Variants in NDE1 observed in about 807,000 individuals in gnomAD.
NDE1 encodes the protein nuclear distribution protein nudE homolog 1.
NDE1 carries 28 observed loss-of-function variants against 43.4 expected under a neutral mutation model. The observed-to-expected ratio is 0.65, with a 90% confidence interval of 0.48 to 0.89. The LOEUF is 0.89. NDE1 is among the 40% of genes least tolerant of loss of function. The probability of loss-of-function intolerance (pLI) is 0.00; values close to 1 mark genes in which losing one functional copy is unlikely to be tolerated. For missense variants in NDE1, 441 were observed against 434.1 expected, an observed-to-expected ratio of 1.02 and a Z score of -0.14; for synonymous variants, 184 against 172.0, an observed-to-expected ratio of 1.07 and a Z score of -0.55.
chr16:15,699,807 C>G (rs754546682), intron 8 of NDE1: 5 of 1,351,200 alleles, frequency 3.7e-6, no homozygotes, highest in Admixed American at 1.9e-5. Flanking sequence ...AGGGGGTAGT[C>G]AAGATGTTGC....
chr16:15,692,820 T>C (rs1160143960), intron 6 of NDE1, among the ~76,000 whole-genome samples: 1 of 150,172 alleles, frequency 6.7e-6, no homozygotes, highest in Admixed American at 6.6e-5. Context: ...CACTGCAGCC[T>C]CCAACTCCTG....
chr16:15,643,452 C>G, exon 1 of NDE1: 1 of 439,862 alleles, frequency 2.3e-6, no homozygotes, highest in Non-Finnish European at 4.6e-6. Flanking sequence ...AGAATGAGCT[C>G]GTGACGTGGA....
intron 7 of NDE1, chr16:15,695,625 T>A: frequency 1.0e-6 from 1 of 985,350 alleles, no homozygotes; most frequent in Non-Finnish European, 1.2e-6. Flanking sequence ...AGTTTATTTT[T>A]AAAAATGATG....
chr16:15,692,053 G>A (rs1339891770), intron 6 of NDE1, among the ~76,000 whole-genome samples: 6 of 151,868 alleles, frequency 4.0e-5, no homozygotes, highest in Non-Finnish European at 8.8e-5. Context: ...TCAGCGTAAC[G>A]TGTGCTGCAT....
intron 8 of NDE1, chr16:15,700,040 A>T: frequency 8.5e-7 from 1 of 1,181,004 alleles, no homozygotes; most frequent in Non-Finnish European, 1.1e-6. Flanking sequence ...CACCGTGTGC[A>T]TTGCAAAGAG....
At chr16:15,671,294 A>G (rs2037578138) in intron 3 of NDE1, among the ~76,000 whole-genome samples, 2 of 152,110 alleles carry the variant, frequency 1.3e-5, no homozygotes, top group African/African-American at 4.8e-5. Flanking sequence ...GCTTGAGACC[A>G]GGAGTTCAAG....
chr16:15,695,703 T>A (rs1567659043), intron 7 of NDE1: 1 of 985,200 alleles, frequency 1.0e-6, no homozygotes. Context: ...TAGCTACAAC[T>A]TAATAGAAGC....
At chr16:15,666,830 C>G (rs2037331483) in intron 2 of NDE1, among the ~76,000 whole-genome samples, 1 of 152,130 alleles carries the variant, frequency 6.6e-6, no homozygotes, top group African/African-American at 2.4e-5. Context: ...TACTATGTTG[C>G]CCTGGCTGGT....
At chr16:15,680,643 G>T (rs1029302935) in intron 4 of NDE1, among the ~76,000 whole-genome samples, 6 of 152,098 alleles carry the variant, frequency 3.9e-5, no homozygotes, top group Admixed American at 6.6e-5. Context: ...TGCTTCAAGT[G>T]ATTCTCCTGC....
chr16:15,715,121 CT>C (rs761915555), intron 8 of NDE1: 5 of 1,592,504 alleles, frequency 3.1e-6, no homozygotes, highest in Admixed American at 1.7e-5. Flanking sequence ...GGGAGGCCGG[CT>C]GGGGGCTGGG....
intron 8 of NDE1, chr16:15,721,138 A>G (rs2151209363): frequency 6.9e-7 from 1 of 1,451,676 alleles, no homozygotes; most frequent in South Asian, 1.2e-5. Context: ...ACCTCAGGAG[A>G]TCAGGGAGGT....
At chr16:15,688,382 C>T (rs2038546556) in intron 5 of NDE1, among the ~76,000 whole-genome samples, 1 of 151,934 alleles carries the variant, frequency 6.6e-6, no homozygotes, top group African/African-American at 2.4e-5. Context: ...CACCTGTAAT[C>T]CCAGCACTTT....
At chr16:15,720,878 G>C (rs759031841) in intron 8 of NDE1, 1 of 1,613,942 alleles carries the variant, frequency 6.2e-7, no homozygotes, top group South Asian at 1.1e-5. Context: ...CATTCTGCTC[G>C]TCCCGGGCTT....
intron 1 of NDE1, among the ~76,000 whole-genome samples, chr16:15,652,730 C>G (rs1326641423): frequency 5.3e-5 from 8 of 152,170 alleles, no homozygotes; most frequent in Admixed American, 5.2e-4. Context: ...GTGATGCAAT[C>G]ACAGCTCACT....
intron 7 of NDE1, among the ~76,000 whole-genome samples, chr16:15,695,236 T>G (rs938991742): frequency 2.0e-5 from 3 of 147,544 alleles, no homozygotes; most frequent in African/African-American, 7.6e-5. Context: ...TTGGTTTGTT[T>G]CTTGGGGTTT....
chr16:15,679,492 CTT>C (rs1417756110), intron 4 of NDE1, among the ~76,000 whole-genome samples: 3 of 152,130 alleles, frequency 2.0e-5, no homozygotes, highest in African/African-American at 7.2e-5. Context: ...TAGACGCCCT[CTT>C]CTCTCTCCAA....
At chr16:15,697,623 G>C (rs546971552) in intron 8 of NDE1, among the ~76,000 whole-genome samples, 5 of 152,198 alleles carry the variant, frequency 3.3e-5, no homozygotes, top group African/African-American at 9.6e-5. Context: ...TGAGGAAGGA[G>C]AATCACTTGA....
chr16:15,723,847 C>T (rs1377006167), intron 8 of NDE1, among the ~76,000 whole-genome samples: 1 of 152,184 alleles, frequency 6.6e-6, no homozygotes, highest in Non-Finnish European at 1.5e-5. Context: ...TCAGTAAATA[C>T]ATTTAGTGAA....
intron 8 of NDE1, among the ~76,000 whole-genome samples, chr16:15,723,643 C>G (rs2040598257): frequency 6.6e-6 from 1 of 152,122 alleles, no homozygotes; most frequent in Non-Finnish European, 1.5e-5. Flanking sequence ...TAGATCCTGT[C>G]TCAAAATAAG....
Sources: allele counts gnomAD v4.1 joint callset (sites outside exome capture counted in the v4.1 genomes callset), GRCh38; gene constraint gnomAD v4.1.1; transcripts MANE v1.5; gene names NCBI Gene and HGNC (gene_info 2026-07-23, HGNC 2026-07-21).